Variants in SKP2 observed in about 807,000 individuals in gnomAD.
SKP2 encodes the protein S-phase kinase associated protein 2.
A neutral mutation model predicts 51.8 loss-of-function variants in SKP2; 16 were observed. That is an observed-to-expected ratio of 0.31 (90% CI 0.21 to 0.47). SKP2 has a LOEUF of 0.47. Ranked by LOEUF, SKP2 falls within the 20% of genes least tolerant of loss-of-function variation. The pLI is 1.00. For synonymous variants in SKP2, 176 were observed against 198.6 expected (o/e 0.89, Z 0.96); for missense variants, 377 against 505.3 (o/e 0.75, Z 2.43).
Position 36,153,030 on chromosome 5 carries a change from G to A in SKP2, c.268G>A (p.Glu90Lys). The A allele has an allele frequency of 6.2e-7, 1 of 1,613,914 alleles. No individual in the cohort carries two copies. The highest frequency in any genetic ancestry group is 8.5e-7 in the Non-Finnish European group (1 of 1,179,854). ...TGTCCGCAGGCCTAAGCTAAATCGA[G>A]AGAACTTTCCAGGTAAGGACATGAG... ...VIVRRPKLNR[E>K]NFPGVSWDSL... The change falls in exon 2 of 10, where the codon GAG becomes AAG. Residue 90 changes from glutamate to lysine, a missense_variant. By Grantham distance (56) the Glu-to-Lys change is moderately conservative. This residue lies in a region of SKP2 where 115 missense variants were observed against 115.5 expected (regional missense o/e 1.00). Transcript: ENST00000274255.
At position 36,166,251 on chromosome 5, in the gene SKP2, G is replaced by A. The variant is rs138669360; in HGVS notation, c.393-268G>A. Reference sequence around the variant, plus strand: ...ATATGATTCTCTGGTTCTAGATCACGGCAGTGCTAATGTTCACATTGAACC... The same window carrying A: ...ATATGATTCTCTGGTTCTAGATCACAGCAGTGCTAATGTTCACATTGAACC... On this transcript the variant is annotated intron_variant, in intron 3 of 9. Coordinates refer to ENST00000274255, the MANE Select transcript of SKP2 (RefSeq NM_005983.4). Among the ~76,000 whole-genome samples, 153 of 152,196 alleles carry A rather than the reference G, an allele frequency of 1.0e-3. No homozygotes were observed. In the East Asian group the frequency reaches 0.026, roughly 25 times the overall value.
At chr5:36,171,844 A>G in intron 7 of SKP2, 111 bp downstream of exon 7, 1 of 1,047,440 alleles carries the variant, frequency 9.5e-7, no homozygotes, top group Non-Finnish European at 1.4e-6. Flanking sequence ...AATCCAGTGC[A>G]TGTGTTAGTC....
downstream of SKP2, among the ~76,000 whole-genome samples, chr5:36,189,225 C>T (rs528437131): frequency 5.3e-5 from 8 of 152,336 alleles, no homozygotes; most frequent in East Asian, 1.9e-4. Flanking sequence ...TCTCTCAACT[C>T]GTCAAAGTCT....
At chr5:36,154,576 C>G (rs1022399057) in intron 2 of SKP2, among the ~76,000 whole-genome samples, 2 of 152,126 alleles carry the variant, frequency 1.3e-5, no homozygotes, top group African/African-American at 2.4e-5. Flanking sequence ...GCTCTGTTGC[C>G]CAGGCTGGAA....
In SKP2 at chr5:36,163,607, A is replaced by G; in HGVS notation, c.281-38A>G. On this transcript the variant is annotated intron_variant, in intron 2 of 9. Coordinates refer to ENST00000274255, the MANE Select transcript of SKP2 (RefSeq NM_005983.4). ...AGACTCAGTAGACTTGATAGGGTGA[A>G]AGAATGGTGATGGCAAACACTTGTT... The G allele has an allele frequency of 3.9e-6, 5 of 1,285,880 alleles. No homozygotes were observed. In the African/African-American group the frequency reaches 4.4e-5, roughly 11 times the overall value. The allele number at this position is 1,285,880 out of a possible 1,614,324, so 79.7% of individuals were successfully genotyped here.
intron 4 of SKP2, among the ~76,000 whole-genome samples, chr5:36,167,940 C>A (rs1745342363): frequency 1.3e-5 from 2 of 151,846 alleles, no homozygotes; most frequent in Admixed American, 6.6e-5. Flanking sequence ...AAAACTTTCT[C>A]TTCCGCTACC....
At chr5:36,155,103 T>G (rs1744901372) in intron 2 of SKP2, 1 of 152,212 alleles carries the variant, frequency 6.6e-6, no homozygotes, top group African/African-American at 2.4e-5. Context: ...GATTGGTTGT[T>G]TAGTTGATTG....
rs772824651 is a variant in SKP2 at position 36,166,587 on chromosome 5, G to A, written c.461G>A (p.Arg154Gln). The change falls in exon 4 of 10, where the codon CGG becomes CAG. Residue 154 changes from arginine (R) to glutamine (Q), a missense_variant. Transcript: ENST00000274255. ...AATCTGCACCCGGATGTGACTGGTCGGTTGCTGTCTCAAGGGGTGATTGCC... is the reference window on the plus strand; with the variant it reads ...AATCTGCACCCGGATGTGACTGGTCAGTTGCTGTCTCAAGGGGTGATTGCC... ...GKNLHPDVTG[R>Q]LLSQGVIAFR... 6 of 1,613,598 alleles carry A rather than the reference G, an allele frequency of 3.7e-6. No homozygotes were observed. Among genetic ancestry groups the A allele is most frequent in the Admixed American group, 1.7e-5 (1 of 59,994 alleles).
chr5:36,186,369 G>A (rs1426336545), downstream of SKP2, among the ~76,000 whole-genome samples: 1 of 152,186 alleles, frequency 6.6e-6, no homozygotes, highest in Non-Finnish European at 1.5e-5. Flanking sequence ...TGCCCATTCA[G>A]TATGATATTG....
intron 9 of SKP2, chr5:36,180,297 A>AT: frequency 7.6e-7 from 1 of 1,319,268 alleles, no homozygotes; most frequent in South Asian, 1.1e-5. Context: ...ATCGTAAGTG[A>AT]TTAAGTATAA....
rs763649874 is a variant in SKP2 at position 36,152,977 on chromosome 5, G to A, written c.215G>A (p.Ser72Asn). ...PESPPRKRLKSKGSDKDFVIV... is the reference protein window; with the variant it reads ...PESPPRKRLKNKGSDKDFVIV... ...AGCCCCCCACGGAAACGGCTGAAGAGCAAAGGGAGTGACAAAGACTTTGTG... is the reference window on the plus strand; with the variant it reads ...AGCCCCCCACGGAAACGGCTGAAGAACAAAGGGAGTGACAAAGACTTTGTG... The change falls in exon 2 of 10, where the codon AGC (serine) becomes AAC (asparagine). Residue 72 changes from serine (S) to asparagine (N), a missense_variant. By Grantham distance (46) the Ser-to-Asn change is conservative (BLOSUM62 1). Transcript: ENST00000274255. 1 of 1,614,146 alleles carries A rather than the reference G, an allele frequency of 6.2e-7. No homozygotes were observed. Among genetic ancestry groups the A allele is most frequent in the South Asian group, 1.1e-5 (1 of 91,074 alleles).
intron 5 of SKP2, among the ~76,000 whole-genome samples, chr5:36,169,887 C>G (rs1021267460): frequency 2.6e-5 from 4 of 152,064 alleles, no homozygotes; most frequent in African/African-American, 9.7e-5. Flanking sequence ...CTCTTAATCA[C>G]TAAGTTTTAC....
chr5:36,170,372 C>A lies in SKP2; in HGVS notation c.700C>A (p.Arg234=). 6.2e-7 allele frequency: 1 copy of A among 1,611,916 alleles called. No individual in the cohort carries two copies. The highest frequency in any genetic ancestry group is 8.5e-7 in the Non-Finnish European group (1 of 1,178,770). The change falls in exon 6 of 10, where the codon CGA becomes AGA. Residue 234 remains arginine, a synonymous_variant. Transcript: ENST00000274255. ...NTLAKNSNLV[R]LNLSGCSGFS... is the part of the protein sequence containing the mutation. ...TCTCGCAAAAAACTCAAATTTAGTG[C>A]GACTTAACCTTTCTGGGTGTTCTGG...
At chr5:36,175,303 G>A (rs891928453) in intron 7 of SKP2, among the ~76,000 whole-genome samples, 3 of 152,074 alleles carry the variant, frequency 2.0e-5, no homozygotes, top group Non-Finnish European at 2.9e-5. Context: ...AGGGAAGGAG[G>A]AAATTTGGGG....
At chr5:36,193,008 A>G (rs954189685) in intron 7 of SKP2, 3 of 152,236 alleles carry the variant, frequency 2.0e-5, no homozygotes, top group African/African-American at 7.2e-5. Flanking sequence ...ATCACAGAGC[A>G]GAAATGTTAG....
At chr5:36,171,038 C>T (rs1470773980) in intron 6 of SKP2, among the ~76,000 whole-genome samples, 2 of 152,058 alleles carry the variant, frequency 1.3e-5, no homozygotes, top group African/African-American at 4.8e-5. Flanking sequence ...AATAGATTGC[C>T]TCTGGATATG....
intron 3 of SKP2, among the ~76,000 whole-genome samples, chr5:36,166,252 G>C (rs576589693): frequency 6.6e-6 from 1 of 152,174 alleles, no homozygotes; most frequent in Non-Finnish European, 1.5e-5. Context: ...CTAGATCACG[G>C]CAGTGCTAAT....
At chr5:36,192,875 A>G (rs905690594) in intron 7 of SKP2, 1 of 152,216 alleles carries the variant, frequency 6.6e-6, no homozygotes, top group African/African-American at 2.4e-5. Context: ...GAAATGTTAA[A>G]AAGAAGAGGT....
intron 2 of SKP2, among the ~76,000 whole-genome samples, chr5:36,161,605 A>T (rs988018781): frequency 1.3e-5 from 2 of 152,216 alleles, no homozygotes; most frequent in African/African-American, 4.8e-5. Flanking sequence ...GAAAGCGTTT[A>T]ACTTTGTACT....
Sources: gnomAD v4.1 joint callset for allele counts (sites outside exome capture counted in the v4.1 genomes callset) on GRCh38, gnomAD v4.1.1 for gene constraint, gnomAD v4.1.1 regional missense constraint, MANE v1.5 for transcripts, NCBI Gene and HGNC (gene_info 2026-07-23, HGNC 2026-07-21) for gene names.